FMN2: variants seen among roughly 807,000 people sequenced by gnomAD.
The protein encoded by FMN2 is formin 2, also known as formin-2.
Under a neutral mutation model 142.3 loss-of-function variants are expected in FMN2, and 51 were observed. The ratio of observed to expected loss-of-function variants is 0.36; its 90% CI spans 0.29 to 0.45. The LOEUF is 0.45. FMN2 is among the 20% of genes least tolerant of loss of function. The probability of loss-of-function intolerance (pLI) is 1.00; values close to 1 mark genes in which losing one functional copy is unlikely to be tolerated. For synonymous variants in FMN2, 882 were observed against 869.8 expected, an observed-to-expected ratio of 1.01 and a Z score of -0.25; for missense variants, 1,936 against 2,122.8, an observed-to-expected ratio of 0.91 and a Z score of 1.73.
chr1:240,380,067 T>C (rs1572249081), intron 14 of FMN2, among the ~76,000 whole-genome samples: 1 of 152,256 alleles, frequency 6.6e-6, no homozygotes, highest in East Asian at 1.9e-4. Context: ...TTGGCAACAT[T>C]AGTCAGATTA....
At chr1:240,188,845 C>A (rs1034553694) in intron 4 of FMN2, among the ~76,000 whole-genome samples, 3 of 152,108 alleles carry the variant, frequency 2.0e-5, no homozygotes, top group African/African-American at 7.2e-5. Flanking sequence ...CTCACAAGTT[C>A]ATGGTGGAAG....
At chr1:240,196,682 T>A (rs1000256594) in intron 4 of FMN2, among the ~76,000 whole-genome samples, 4 of 152,262 alleles carry the variant, frequency 2.6e-5, no homozygotes, top group East Asian at 3.9e-4. Flanking sequence ...CAGCTAAGTT[T>A]TTGTATTTTT....
chr1:240,348,421 C>T (rs750523794), intron 13 of FMN2, among the ~76,000 whole-genome samples: 2 of 151,800 alleles, frequency 1.3e-5, no homozygotes, highest in Non-Finnish European at 2.9e-5. Flanking sequence ...CAGGGTTTCG[C>T]CATGTTGACC....
chr1:240,366,409 A>T, intron 14 of FMN2, among the ~76,000 whole-genome samples: 1 of 152,270 alleles, frequency 6.6e-6, no homozygotes, highest in Non-Finnish European at 1.5e-5. Flanking sequence ...ACCCTGCTGC[A>T]ACTTAGTTTT....
rs551580616 is a variant in FMN2 at position 240,148,997 on chromosome 1, A to T, written c.1782+25652A>T. 2.9e-4 allele frequency among the ~76,000 whole-genome samples: 43 copies of T among 149,314 alleles called. 1 individual carries two copies. The East Asian group carries it at 6.9e-3, about 24-fold the overall frequency. On this transcript the variant is annotated intron_variant, in intron 2 of 17. Transcript: ENST00000319653. ...AAAAAAAAATAAATAAATAAATAAA[A>T]AACTCGTATATTAAATGTAATCTTA...
At chr1:240,362,614 G>A (rs1316264375) in intron 14 of FMN2, among the ~76,000 whole-genome samples, 1 of 152,168 alleles carries the variant, frequency 6.6e-6, no homozygotes, top group African/African-American at 2.4e-5. Context: ...TAGGTGGAAT[G>A]GATGACCTTT....
intron 14 of FMN2, among the ~76,000 whole-genome samples, chr1:240,360,630 A>G (rs752505909): frequency 6.6e-6 from 1 of 152,186 alleles, no homozygotes; most frequent in African/African-American, 2.4e-5. Context: ...GACTGTTAAT[A>G]CTTGATTATT....
At chr1:240,234,246 C>T (rs921849993) in intron 6 of FMN2, among the ~76,000 whole-genome samples, 2 of 152,086 alleles carry the variant, frequency 1.3e-5, no homozygotes, top group African/African-American at 4.8e-5. Context: ...TAACAACCTC[C>T]TCAGGTGACA....
At chr1:240,295,014 T>C (rs1013323322) in intron 8 of FMN2, 131 bp downstream of exon 8, 4 of 681,492 alleles carry the variant, frequency 5.9e-6, no homozygotes, top group Non-Finnish European at 9.5e-6. Flanking sequence ...TTTGCCTAAG[T>C]AGGTGTTTGT....
intron 6 of FMN2, among the ~76,000 whole-genome samples, chr1:240,226,811 C>CACACACACACACACACACACACAT (rs1247035382): frequency 1.6e-3 from 102 of 62,596 alleles, no homozygotes; most frequent in East Asian, 2.5e-4. Flanking sequence ...ACTTTAGTGA[C>CACACACACACACACACACACACAT]ACACACACAC....
At chr1:240,436,792 G>T (rs188508626) in intron 15 of FMN2, among the ~76,000 whole-genome samples, 3 of 152,220 alleles carry the variant, frequency 2.0e-5, no homozygotes, top group Admixed American at 6.5e-5. Context: ...ATATGTTAGG[G>T]TATGTATGTT....
At chr1:240,189,156 C>T (rs1665602885) in intron 4 of FMN2, among the ~76,000 whole-genome samples, 1 of 134,248 alleles carries the variant, frequency 7.4e-6, no homozygotes, top group South Asian at 2.6e-4. Context: ...GCAAGCTATG[C>T]TAAAATGGAT....
chr1:240,224,489 G>A (rs1215171029), intron 6 of FMN2, among the ~76,000 whole-genome samples: 1 of 152,144 alleles, frequency 6.6e-6, no homozygotes, highest in Non-Finnish European at 1.5e-5. Flanking sequence ...TTCTGTAGAT[G>A]TCTATTAGGT....
At chr1:240,161,910 A>G (rs1176262581) in intron 2 of FMN2, among the ~76,000 whole-genome samples, 1 of 152,156 alleles carries the variant, frequency 6.6e-6, no homozygotes, top group African/African-American at 2.4e-5. Flanking sequence ...GGAGTAGGCA[A>G]AAACTTCTTA....
intron 8 of FMN2, among the ~76,000 whole-genome samples, chr1:240,312,203 C>G (rs1189740814): frequency 2.6e-5 from 4 of 152,066 alleles, no homozygotes; most frequent in Non-Finnish European, 5.9e-5. Flanking sequence ...TGCTCTCCAG[C>G]CACCCACCCC....
At chr1:240,148,807 C>G (rs1663632571) in intron 2 of FMN2, among the ~76,000 whole-genome samples, 1 of 151,802 alleles carries the variant, frequency 6.6e-6, no homozygotes, top group African/African-American at 2.4e-5. Flanking sequence ...GGTGAAACCC[C>G]TAAAAATACA....
intron 7 of FMN2, among the ~76,000 whole-genome samples, chr1:240,292,505 C>G (rs1012946210): frequency 6.6e-6 from 1 of 152,090 alleles, no homozygotes; most frequent in African/African-American, 2.4e-5. Flanking sequence ...GTTAACACTT[C>G]TAGTATACTA....
At chr1:240,218,699 C>G (rs1666998136) in intron 6 of FMN2, among the ~76,000 whole-genome samples, 1 of 152,148 alleles carries the variant, frequency 6.6e-6, no homozygotes, top group South Asian at 2.1e-4. Context: ...TGAACACTTT[C>G]ACTGTTGCCC....
intron 8 of FMN2, among the ~76,000 whole-genome samples, chr1:240,311,160 A>G (rs1670592445): frequency 6.6e-6 from 1 of 152,184 alleles, no homozygotes; most frequent in African/African-American, 2.4e-5. Flanking sequence ...TCACAGGCAT[A>G]CTTTATAGTT....
Sources: allele counts gnomAD v4.1 joint callset (sites outside exome capture counted in the v4.1 genomes callset), GRCh38; gene constraint gnomAD v4.1.1; transcripts MANE v1.5; gene names NCBI Gene and HGNC (gene_info 2026-07-23, HGNC 2026-07-21).